Variants in ACOT7 observed in about 807,000 individuals in gnomAD.
ACOT7 encodes acyl-CoA thioesterase 7.
ACOT7 carries 12 observed loss-of-function variants against 40.2 expected under a neutral mutation model. The ratio of observed to expected loss-of-function variants is 0.30; its 90% CI spans 0.19 to 0.48. The LOEUF is 0.48. Among genes scored for constraint, ACOT7 ranks in the 20% least tolerant of loss-of-function variants. ACOT7 has a pLI of 0.99. For missense variants in ACOT7, 395 were observed against 530.8 expected (o/e 0.74, Z 2.51); for synonymous variants, 228 against 219.5 (o/e 1.04, Z -0.34).
At chr1:6,298,526 G>A (rs1639876270) in intron 6 of ACOT7, among the ~76,000 whole-genome samples, 1 of 152,232 alleles carries the variant, frequency 6.6e-6, no homozygotes, top group Non-Finnish European at 1.5e-5. Flanking sequence ...AAAGAGTGCA[G>A]GTGAAATACC....
intron 1 of ACOT7, among the ~76,000 whole-genome samples, chr1:6,356,163 C>T (rs1219815215): frequency 6.6e-6 from 1 of 152,136 alleles, no homozygotes; most frequent in Non-Finnish European, 1.5e-5. Context: ...AGGGAAGTCT[C>T]GACATGAGAC....
intron 2 of ACOT7, among the ~76,000 whole-genome samples, chr1:6,343,831 C>T (rs1009364902): frequency 3.3e-5 from 5 of 152,248 alleles, no homozygotes; most frequent in Non-Finnish European, 7.3e-5. Flanking sequence ...CATGCTTTTC[C>T]GGGGCAGAGG....
intron 1 of ACOT7, among the ~76,000 whole-genome samples, chr1:6,351,460 A>C (rs1641589442): frequency 6.6e-6 from 1 of 152,230 alleles, no homozygotes; most frequent in African/African-American, 2.4e-5. Flanking sequence ...CTGAGTTATG[A>C]GGTAGCCAAT....
intron 1 of ACOT7, among the ~76,000 whole-genome samples, chr1:6,371,109 T>G (rs1642125533): frequency 6.6e-6 from 1 of 152,050 alleles, no homozygotes; most frequent in African/African-American, 2.4e-5. Flanking sequence ...GCACCCGGCC[T>G]GATCAGTATT....
At chr1:6,341,782 A>G (rs1377696965) in intron 2 of ACOT7, among the ~76,000 whole-genome samples, 1 of 152,226 alleles carries the variant, frequency 6.6e-6, no homozygotes, top group African/African-American at 2.4e-5. Flanking sequence ...TCCTTCAAAT[A>G]GGCGACCCAT....
chr1:6,267,286 T>G (rs1372571367), intron 8 of ACOT7, among the ~76,000 whole-genome samples: 4 of 152,340 alleles, frequency 2.6e-5, no homozygotes, highest in Non-Finnish European at 5.9e-5. Context: ...CCCAGCCACA[T>G]GCTCTCAGGT....
chr1:6,326,985 T>C (rs561730665), intron 5 of ACOT7, among the ~76,000 whole-genome samples: 12 of 150,430 alleles, frequency 8.0e-5, no homozygotes, highest in African/African-American at 2.7e-4. Context: ...AAGGAAAAGA[T>C]ACAACAAAAA....
intron 6 of ACOT7, among the ~76,000 whole-genome samples, chr1:6,310,632 G>T (rs1640305483): frequency 6.6e-6 from 1 of 152,208 alleles, no homozygotes; most frequent in Admixed American, 6.5e-5. Flanking sequence ...AGCCACCCAG[G>T]GCACTTGTTG....
intron 6 of ACOT7, among the ~76,000 whole-genome samples, chr1:6,309,324 G>C (rs1348386089): frequency 2.6e-5 from 4 of 152,174 alleles, no homozygotes; most frequent in African/African-American, 9.7e-5. Context: ...CTTGGATTTG[G>C]GGGATTGCAG....
intron 8 of ACOT7, among the ~76,000 whole-genome samples, chr1:6,271,603 GTCCGCCATCCGCTGTGGCCTC>G (rs545231987): frequency 0.011 from 1,743 of 152,256 alleles, 38 homozygotes; most frequent in African/African-American, 0.038. Context: ...AGCGGAGCCT[GTCCGCCATCCGCTGTGGCCTC>G]TCCGCCATCC....
intron 1 of ACOT7, among the ~76,000 whole-genome samples, chr1:6,381,720 G>C (rs1458151326): frequency 6.6e-6 from 1 of 151,890 alleles, no homozygotes; most frequent in Non-Finnish European, 1.5e-5. Context: ...GGTCTCTGCT[G>C]TGTTCATAGC....
In ACOT7 at chr1:6,274,155, G is replaced by A. The variant is rs924543878; in HGVS notation, c.1014+6947C>T. Among the ~76,000 whole-genome samples, 14 of 152,198 alleles carry A rather than the reference G, an allele frequency of 9.2e-5. No individual in the cohort carries two copies. The highest frequency in any genetic ancestry group is 1.9e-4 in the Non-Finnish European group (13 of 68,026). On this transcript the variant is annotated intron_variant, in intron 8 of 8. Coordinates refer to ENST00000361521, the MANE Select transcript of ACOT7 (RefSeq NM_007274.4). This position sits in a 1 kb window ranked among gnomAD's most constrained non-coding sequence, Gnocchi z 5.9. The stretch of plus-strand genomic sequence containing the variant: ...GGAGCAGCAGGCACCATCATGGAAA[G>A]CTTGCCCCATGCTTCCTCCTAAGTG...
rs1282467240 is a variant in ACOT7, at chr1:6,294,863, C to T, written c.829+1G>A. ...CTCGTCTTTGCCAGAAGAGTGGTTA[C>T]CTTTTCTGATCTTGTCATGAAAATT... is the stretch of plus-strand genomic sequence containing the variant. On this transcript the variant is annotated splice_donor_variant, in intron 7 of 8. Coordinates refer to ENST00000361521, the MANE Select transcript of ACOT7 (RefSeq NM_007274.4). LOFTEE classifies it high-confidence loss of function. This position sits in a 1 kb window ranked among gnomAD's most constrained non-coding sequence, Gnocchi z 4.6. The T allele has an allele frequency of 1.2e-6, 2 of 1,613,248 alleles. No homozygotes were observed. Among genetic ancestry groups the T allele is most frequent in the African/African-American group, 1.3e-5 (1 of 74,924 alleles).
intron 7 of ACOT7, among the ~76,000 whole-genome samples, chr1:6,284,382 G>A (rs1333718704): frequency 6.6e-6 from 1 of 152,048 alleles, no homozygotes; most frequent in Non-Finnish European, 1.5e-5. Context: ...TTTGAGACCA[G>A]CCTGACCAAC....
rs1369772464 is a variant in ACOT7 at position 6,278,418 on chromosome 1, G to C, written c.1014+2684C>G. Among the ~76,000 whole-genome samples the C allele has an allele frequency of 6.6e-6, 1 of 152,172 alleles. No individual in the cohort carries two copies. Among genetic ancestry groups the C allele is most frequent in the African/African-American group, 2.4e-5 (1 of 41,446 alleles). On this transcript the variant is annotated intron_variant, in intron 8 of 8. Coordinates refer to ENST00000361521, the MANE Select transcript of ACOT7 (RefSeq NM_007274.4). This position sits in a 1 kb window ranked among gnomAD's most constrained non-coding sequence, Gnocchi z 4.1. ...TGAGGACTGAGCAGGGGCCCCATGG[G>C]GACGGGGCAGTAAGAGCTGTTCGGG...
rs368936404 is a variant in ACOT7 at position 6,327,288 on chromosome 1, G to A, written c.625+11C>T. The A allele has an allele frequency of 5.2e-5, 84 of 1,613,784 alleles. No homozygotes were observed. The African/African-American group carries it at 8.1e-4, about 16-fold the overall frequency. The stretch of plus-strand genomic sequence containing the variant: ...GGAGTGGCACCTGCTGCTGGTGTCC[G>A]CGGCTCTTACCTGGGTTGAGGACTG... On this transcript the variant is annotated intron_variant, in intron 5 of 8. Transcript: ENST00000361521.
At chr1:6,303,891 A>T in intron 6 of ACOT7, among the ~76,000 whole-genome samples, 1 of 152,284 alleles carries the variant, frequency 6.6e-6, no homozygotes, top group East Asian at 1.9e-4. Context: ...GATTCCTTAC[A>T]TTCTATAGAG....
At chr1:6,295,076 A>G in intron 6 of ACOT7, 96 bp from the exon 7 acceptor site, 2 of 918,618 alleles carry the variant, frequency 2.2e-6, no homozygotes, top group Non-Finnish European at 3.4e-6. Context: ...CTCCCCTCCC[A>G]CTAGCCACCA....
intron 6 of ACOT7, among the ~76,000 whole-genome samples, chr1:6,309,156 C>T (rs907933017): frequency 6.6e-6 from 1 of 152,216 alleles, no homozygotes; most frequent in African/African-American, 2.4e-5. Flanking sequence ...CCGAGTCATC[C>T]CAGTTAAGGG....
Sources: gnomAD v4.1 joint callset for allele counts (sites outside exome capture counted in the v4.1 genomes callset) on GRCh38, gnomAD v4.1.1 for gene constraint, Gnocchi (gnomAD v3.1) non-coding constraint, MANE v1.5 for transcripts, NCBI Gene and HGNC (gene_info 2026-07-23, HGNC 2026-07-21) for gene names.